PVT1: variants seen among roughly 807,000 people sequenced by gnomAD.
PVT1 encodes CXCR4/PVT1 fusion.
chr8:127,867,461 C>T (rs1314440637), intron 2 of PVT1, among the ~76,000 whole-genome samples: 1 of 152,196 alleles, frequency 6.6e-6, no homozygotes, highest in African/African-American at 2.4e-5. Flanking sequence ...GGCCAGCTTG[C>T]TGACACCTGG....
At chr8:128,072,748 A>G (rs1814013434) in intron 5 of PVT1, among the ~76,000 whole-genome samples, 2 of 152,234 alleles carry the variant, frequency 1.3e-5, no homozygotes, top group Admixed American at 6.5e-5. Flanking sequence ...GGGGAAAAAT[A>G]AATCAGGTAG....
chr8:128,089,352 G>A (rs1270366142), intron 5 of PVT1, among the ~76,000 whole-genome samples: 1 of 152,146 alleles, frequency 6.6e-6, no homozygotes, highest in Non-Finnish European at 1.5e-5. Flanking sequence ...GGGCAGGAGA[G>A]CTCTCTGAGG....
intron 3 of PVT1, among the ~76,000 whole-genome samples, chr8:127,935,351 G>A (rs1318462319): frequency 6.6e-6 from 1 of 152,104 alleles, no homozygotes; most frequent in Non-Finnish European, 1.5e-5. Context: ...CTACACAGCA[G>A]CAGGCATCAC....
chr8:127,847,060 T>C (rs112639004), intron 2 of PVT1, among the ~76,000 whole-genome samples: 42,548 of 141,830 alleles, frequency 0.3, 7,180 homozygotes, highest in Non-Finnish European at 0.38. Flanking sequence ...TGGAGTGCAG[T>C]GGTGAGATCT....
chr8:127,888,187 G>A (rs929437061), intron 2 of PVT1, among the ~76,000 whole-genome samples: 7 of 151,260 alleles, frequency 4.6e-5, no homozygotes, highest in African/African-American at 1.2e-4. Context: ...TGATCCACCC[G>A]CCTCGGCCTC....
At chr8:127,915,612 CAAAAA>C (rs61238663) in intron 3 of PVT1, among the ~76,000 whole-genome samples, 1 of 64,506 alleles carries the variant, frequency 1.6e-5, no homozygotes, top group Non-Finnish European at 3.1e-5. Flanking sequence ...AACTCCATCT[CAAAAA>C]AAAAAAAAAA....
intron 3 of PVT1, among the ~76,000 whole-genome samples, chr8:127,968,518 A>T (rs898762664): frequency 3.9e-5 from 6 of 152,174 alleles, no homozygotes; most frequent in African/African-American, 1.4e-4. Context: ...TACAGTTGCC[A>T]CCAGGGACGC....
intron 5 of PVT1, among the ~76,000 whole-genome samples, chr8:128,087,802 G>A (rs1290316858): frequency 7.2e-6 from 1 of 139,224 alleles, no homozygotes; most frequent in Non-Finnish European, 1.5e-5. Context: ...TCCCAGGCTG[G>A]AGTGCAGTGG....
At chr8:127,967,170 A>G (rs1158170192) in intron 3 of PVT1, among the ~76,000 whole-genome samples, 2 of 152,132 alleles carry the variant, frequency 1.3e-5, no homozygotes, top group Non-Finnish European at 2.9e-5. Context: ...GTGAGAATGG[A>G]TGCATACCCA....
chr8:127,909,239 G>C (rs997409649), intron 3 of PVT1, among the ~76,000 whole-genome samples: 1 of 152,240 alleles, frequency 6.6e-6, no homozygotes, highest in African/African-American at 2.4e-5. Flanking sequence ...CTTGCCTATT[G>C]GCTACTTTTG....
At chr8:128,084,469 T>C (rs1044435714) in intron 5 of PVT1, among the ~76,000 whole-genome samples, 10 of 152,148 alleles carry the variant, frequency 6.6e-5, no homozygotes, top group Admixed American at 2.0e-4. Context: ...CCGCCCCTCA[T>C]TTCCCATCAT....
intron 3 of PVT1, among the ~76,000 whole-genome samples, chr8:127,921,854 G>GTTTTTTTATTTTTT (rs1816063128): frequency 1.4e-5 from 1 of 71,906 alleles, no homozygotes; most frequent in Non-Finnish European, 2.3e-5. Context: ...TTTGGTTCAT[G>GTTTTTTTATTTTTT]TTTTTTTTTT....
chr8:128,013,838 A>G (rs1276392048), intron 4 of PVT1, among the ~76,000 whole-genome samples: 1 of 152,240 alleles, frequency 6.6e-6, no homozygotes, highest in African/African-American at 2.4e-5. Context: ...AAATGAATTA[A>G]TGAATGAATC....
chr8:128,068,167 T>C (rs1813934656), intron 4 of PVT1, among the ~76,000 whole-genome samples: 1 of 151,982 alleles, frequency 6.6e-6, no homozygotes, highest in South Asian at 2.1e-4. Context: ...TTTTCTGTTT[T>C]GCAGTTTTTT....
intron 3 of PVT1, among the ~76,000 whole-genome samples, chr8:127,916,320 G>A (rs1366264919): frequency 1.3e-5 from 2 of 152,304 alleles, no homozygotes; most frequent in Non-Finnish European, 2.9e-5. Context: ...TCAAGTTCAA[G>A]CTTCTTGCAT....
chr8:128,051,516 T>G (rs1258281344), intron 4 of PVT1, among the ~76,000 whole-genome samples: 1 of 152,250 alleles, frequency 6.6e-6, no homozygotes, highest in Non-Finnish European at 1.5e-5. Context: ...ATTTTTTTCT[T>G]TAAATAAACT....
chr8:127,914,815 G>GT (rs1181623236), intron 3 of PVT1, among the ~76,000 whole-genome samples: 7,694 of 130,778 alleles, frequency 0.059, 563 homozygotes, highest in African/African-American at 0.16. Flanking sequence ...GTTGTTGTTG[G>GT]TTTTTTTTTT....
intron 3 of PVT1, among the ~76,000 whole-genome samples, chr8:127,892,079 C>T (rs1349741751): frequency 6.6e-6 from 1 of 152,204 alleles, no homozygotes; most frequent in Non-Finnish European, 1.5e-5. Flanking sequence ...TGGCATGTGG[C>T]GGCCAAGACC....
intron 3 of PVT1, among the ~76,000 whole-genome samples, chr8:127,972,853 C>G (rs1324633914): frequency 2.0e-5 from 3 of 152,100 alleles, no homozygotes; most frequent in Non-Finnish European, 4.4e-5. Context: ...TTGAAGCTCC[C>G]AGGTGATCCT....
Sources: gnomAD v4.1 joint callset for allele counts (sites outside exome capture counted in the v4.1 genomes callset) on GRCh38, gnomAD v4.1.1 for gene constraint, MANE v1.5 for transcripts, NCBI Gene and HGNC (gene_info 2026-07-23, HGNC 2026-07-21) for gene names.